The following RBMS1 variants were observed in gnomAD, a reference collection of about 807,000 sequenced individuals.
RBMS1 encodes the protein RNA binding motif single stranded interacting protein 1, also known as RNA-binding motif, single-stranded-interacting protein 1.
In RBMS1, 17 loss-of-function variants were observed where a neutral mutation model predicts 62.3. The observed-to-expected ratio is 0.27, with a 90% CI of 0.19 to 0.41. The LOEUF (loss-of-function observed/expected upper bound fraction) is 0.41. Ranked by LOEUF, RBMS1 falls within the 10% of genes least tolerant of loss-of-function variation. The pLI is 1.00. For synonymous variants in RBMS1, 172 were observed against 170.0 expected, an observed-to-expected ratio of 1.01 and a Z score of -0.09; for missense variants, 334 against 504.5, an observed-to-expected ratio of 0.66 and a Z score of 3.24.
At chr2:160,351,220 T>G (rs1470242440) in intron 2 of RBMS1, among the ~76,000 whole-genome samples, 5 of 151,708 alleles carry the variant, frequency 3.3e-5, no homozygotes, top group African/African-American at 9.7e-5. Flanking sequence ...GAGATATACC[T>G]AATGTAAATG....
At chr2:160,313,084 G>C in intron 4 of RBMS1, 72 bp downstream of exon 4, 1 of 1,446,520 alleles carries the variant, frequency 6.9e-7, no homozygotes, top group Non-Finnish European at 9.6e-7. Context: ...GATGCAGATA[G>C]AAAAAGCAGA....
intron 1 of RBMS1, among the ~76,000 whole-genome samples, chr2:160,380,634 G>C (rs1694242945): frequency 1.3e-5 from 2 of 152,228 alleles, no homozygotes; most frequent in South Asian, 4.1e-4. Context: ...TCTTAGAGCA[G>C]AGCAAAAAGA....
chr2:160,381,722 T>G (rs572768573), intron 1 of RBMS1, among the ~76,000 whole-genome samples: 1 of 152,330 alleles, frequency 6.6e-6, no homozygotes, highest in Non-Finnish European at 1.5e-5. Context: ...AACTGACCTT[T>G]GCTACGAATG....
chr2:160,473,014 G>A (rs1430179532), intron 1 of RBMS1, among the ~76,000 whole-genome samples: 1 of 152,130 alleles, frequency 6.6e-6, no homozygotes, highest in Non-Finnish European at 1.5e-5. Context: ...CCAATGCTAG[G>A]CAACTCTCCA....
intron 2 of RBMS1, among the ~76,000 whole-genome samples, chr2:160,340,007 C>T (rs1250755924): frequency 6.6e-6 from 1 of 151,992 alleles, no homozygotes; most frequent in African/African-American, 2.4e-5. Context: ...GTTGTGTAGA[C>T]CTTAAAGGAT....
intron 3 of RBMS1, among the ~76,000 whole-genome samples, chr2:160,317,715 T>C (rs1054386570): frequency 2.0e-5 from 3 of 152,206 alleles, no homozygotes; most frequent in Admixed American, 1.3e-4. Context: ...TTGGGAGTAC[T>C]GAAACATGTA....
rs549768918 is a variant in RBMS1 at position 160,273,422 on chromosome 2, G to A, written c.*1350C>T. 1 of 152,322 alleles carries A rather than the reference G, an allele frequency of 6.6e-6. No homozygotes were observed. The highest frequency in any genetic ancestry group is 6.5e-5 in the Admixed American group (1 of 15,308). 9.4% of individuals were successfully genotyped at this position (152,322 alleles called of 1,614,324 possible). On this transcript the variant is annotated 3_prime_UTR_variant, in exon 14 of 14. Transcript: ENST00000348849. ...AGATGTGATGCTGAGACAAGTTGGA[G>A]CTACTGGTTACTGGCTCTTCGGTCT...
intron 10 of RBMS1, chr2:160,279,192 A>G (rs1158580471): frequency 6.6e-6 from 1 of 152,286 alleles, no homozygotes; most frequent in Non-Finnish European, 1.5e-5. Flanking sequence ...GATCAAGAGC[A>G]CATTTCTTCA....
intron 1 of RBMS1, among the ~76,000 whole-genome samples, chr2:160,469,120 T>C (rs368865840): frequency 6.6e-6 from 1 of 152,236 alleles, no homozygotes; most frequent in Non-Finnish European, 1.5e-5. Context: ...TCCTGGTAAC[T>C]GTTTACAAGA....
At chr2:160,278,294 A>G in intron 11 of RBMS1, 1 of 506,778 alleles carries the variant, frequency 2.0e-6, no homozygotes, top group East Asian at 3.7e-5. Context: ...GACACTAGTC[A>G]TAAAAGGCTA....
chr2:160,410,642 A>G (rs1574025020), intron 1 of RBMS1, among the ~76,000 whole-genome samples: 1 of 152,256 alleles, frequency 6.6e-6, no homozygotes, highest in East Asian at 1.9e-4. Flanking sequence ...TCGACCTTTG[A>G]AACAAATATG....
intron 2 of RBMS1, among the ~76,000 whole-genome samples, chr2:160,341,096 G>T (rs1303619269): frequency 6.6e-6 from 1 of 152,122 alleles, no homozygotes; most frequent in Non-Finnish European, 1.5e-5. Context: ...GTTTGAGTGG[G>T]TGGAGGGATA....
intron 1 of RBMS1, among the ~76,000 whole-genome samples, chr2:160,413,035 A>T (rs10165387): frequency 0.16 from 24,787 of 152,280 alleles, 2,791 homozygotes; most frequent in Admixed American, 0.32. Flanking sequence ...ATGGGGGCAG[A>T]GAAGATGTCC....
At chr2:160,434,343 C>G (rs1559545632) in intron 1 of RBMS1, among the ~76,000 whole-genome samples, 1 of 152,170 alleles carries the variant, frequency 6.6e-6, no homozygotes, top group Non-Finnish European at 1.5e-5. Flanking sequence ...AAATCTTACT[C>G]TAGCCAATAG....
intron 7 of RBMS1, among the ~76,000 whole-genome samples, chr2:160,285,836 G>A (rs1339969016): frequency 2.0e-5 from 3 of 152,010 alleles, no homozygotes; most frequent in East Asian, 1.9e-4. Flanking sequence ...ATTAGGCCGA[G>A]CACGATGGTT....
At chr2:160,412,124 T>G (rs1696061339) in intron 1 of RBMS1, among the ~76,000 whole-genome samples, 1 of 152,004 alleles carries the variant, frequency 6.6e-6, no homozygotes, top group African/African-American at 2.4e-5. Context: ...AGCCAGGAGG[T>G]GTATACCAAC....
chr2:160,302,012 T>C (rs1689234080), intron 5 of RBMS1, among the ~76,000 whole-genome samples: 3 of 152,200 alleles, frequency 2.0e-5, no homozygotes, highest in Admixed American at 2.0e-4. Context: ...TAATGCATCA[T>C]ATAAAAATCA....
At chr2:160,311,234 A>C (rs867903829) in intron 4 of RBMS1, among the ~76,000 whole-genome samples, 6,669 of 106,856 alleles carry the variant, frequency 0.062, 353 homozygotes, top group East Asian at 0.15. Context: ...CTATCTATCT[A>C]TATATATATA....
chr2:160,376,192 GT>G, intron 1 of RBMS1, among the ~76,000 whole-genome samples: 1 of 152,168 alleles, frequency 6.6e-6, no homozygotes, highest in African/African-American at 2.4e-5. Context: ...GTATTATTAG[GT>G]GATTAAATAT....
Sources: gnomAD v4.1 joint callset for allele counts (sites outside exome capture counted in the v4.1 genomes callset) on GRCh38, gnomAD v4.1.1 for gene constraint, MANE v1.5 for transcripts, NCBI Gene and HGNC (gene_info 2026-07-23, HGNC 2026-07-21) for gene names.